The following FDX1 variants were observed in gnomAD, a reference collection of about 807,000 sequenced individuals.
The protein encoded by FDX1 is ferredoxin 1.
In FDX1, 9 loss-of-function variants were observed where a neutral mutation model predicts 14.9. That is an observed-to-expected ratio of 0.60 (90% confidence interval 0.36 to 1.05). The LOEUF is 1.05. FDX1 is among the 50% of genes least tolerant of loss of function. The pLI is 0.01. For synonymous variants in FDX1, 92 were observed against 99.4 expected (o/e 0.93, Z 0.44); for missense variants, 204 against 237.2 (o/e 0.86, Z 0.92).
At chr11:110,440,005 C>T (rs575182605) in intron 2 of FDX1, among the ~76,000 whole-genome samples, 4 of 152,070 alleles carry the variant, frequency 2.6e-5, no homozygotes, top group Middle Eastern at 3.4e-3. Flanking sequence ...CTTTATTTTT[C>T]GGGTCTCTAT....
rs1946318094 is a variant in FDX1, at chr11:110,430,003, C to T, written c.-118C>T. On this transcript the variant is annotated 5_prime_UTR_variant, in exon 1 of 4. Coordinates refer to ENST00000260270, the MANE Select transcript of FDX1 (RefSeq NM_004109.5). ...GGGTCTCTCCGCCACTCCAGCCCCG[C>T]GCCCCTCGCCGCGGCCCTCGGGCGT... 1.5e-6 allele frequency: 1 copy of T among 652,166 alleles called. No homozygotes were observed. The highest frequency in any genetic ancestry group is 4.7e-5 in the Admixed American group (1 of 21,428). The allele number at this position is 652,166 out of a possible 1,614,324, so 40.4% of individuals were successfully genotyped here.
intron 3 of FDX1, among the ~76,000 whole-genome samples, chr11:110,459,233 T>C (rs1245835895): frequency 6.6e-6 from 1 of 152,190 alleles, no homozygotes; most frequent in Non-Finnish European, 1.5e-5. Flanking sequence ...AGGATAATAA[T>C]AGTACCTACC....
At chr11:110,436,832 A>C (rs1946373111) in intron 2 of FDX1, among the ~76,000 whole-genome samples, 3 of 151,988 alleles carry the variant, frequency 2.0e-5, no homozygotes, top group Admixed American at 1.3e-4. Context: ...TATTAAATCT[A>C]CCTCTCTTTG....
At chr11:110,455,435 C>CAT (rs886676075) in intron 2 of FDX1, among the ~76,000 whole-genome samples, 2 of 152,078 alleles carry the variant, frequency 1.3e-5, no homozygotes, top group African/African-American at 4.8e-5. Context: ...GTGTATATTT[C>CAT]ATATAATATT....
intron 2 of FDX1, among the ~76,000 whole-genome samples, chr11:110,451,134 A>G (rs1470781620): frequency 2.0e-5 from 3 of 150,008 alleles, no homozygotes; most frequent in African/African-American, 7.3e-5. Context: ...GAAAAGCCAA[A>G]AAAAAAAAAG....
chr11:110,445,810 A>C (rs1359190579), intron 2 of FDX1, among the ~76,000 whole-genome samples: 1 of 152,210 alleles, frequency 6.6e-6, no homozygotes, highest in Non-Finnish European at 1.5e-5. Context: ...AGATCAAATG[A>C]GTAAATCCAA....
chr11:110,458,917 TG>T (rs1272265683), intron 3 of FDX1, among the ~76,000 whole-genome samples: 2 of 152,234 alleles, frequency 1.3e-5, no homozygotes, highest in Non-Finnish European at 2.9e-5. Flanking sequence ...AATGTTTTAT[TG>T]GTTGTCCTTA....
intron 3 of FDX1, among the ~76,000 whole-genome samples, chr11:110,458,799 G>C (rs1026057571): frequency 1.3e-5 from 2 of 151,968 alleles, no homozygotes; most frequent in African/African-American, 2.4e-5. Flanking sequence ...GTAGAGACGG[G>C]GTTTCACCAT....
intron 2 of FDX1, among the ~76,000 whole-genome samples, chr11:110,440,047 C>A (rs939334320): frequency 6.6e-6 from 1 of 152,118 alleles, no homozygotes; most frequent in East Asian, 1.9e-4. Context: ...TCTAGGTTTT[C>A]TAGGTTGTGT....
At chr11:110,446,134 A>G (rs943946459) in intron 2 of FDX1, among the ~76,000 whole-genome samples, 6 of 152,244 alleles carry the variant, frequency 3.9e-5, no homozygotes, top group Non-Finnish European at 8.8e-5. Context: ...AGTAAGCTAA[A>G]CTAGATTCAC....
chr11:110,430,002 G>A lies in FDX1; in HGVS notation c.-119G>A. 2 of 653,732 alleles carry A rather than the reference G, an allele frequency of 3.1e-6. No individual in the cohort carries two copies. The allele number at this position is 653,732 out of a possible 1,614,324, so 40.5% of individuals were successfully genotyped here. ...AGGGTCTCTCCGCCACTCCAGCCCC[G>A]CGCCCCTCGCCGCGGCCCTCGGGCG... On this transcript the variant is annotated 5_prime_UTR_variant, in exon 1 of 4. Coordinates refer to ENST00000260270, the MANE Select transcript of FDX1 (RefSeq NM_004109.5).
chr11:110,440,416 G>A (rs10891110), intron 2 of FDX1, among the ~76,000 whole-genome samples: 49,115 of 151,922 alleles, frequency 0.32, 8,421 homozygotes, highest in African/African-American at 0.44. Context: ...CTTCATCTTA[G>A]CACTACTTTT....
chr11:110,434,602 G>T (rs1252635969), intron 1 of FDX1, among the ~76,000 whole-genome samples: 1 of 151,908 alleles, frequency 6.6e-6, no homozygotes, highest in Non-Finnish European at 1.5e-5. Context: ...CAAAGTGTTG[G>T]AATTACAGGC....
At position 110,430,244 on chromosome 11, in the gene FDX1, G is replaced by A. The variant is rs930669789; in HGVS notation, c.124G>A (p.Gly42Arg). The change falls in exon 1 of 4, where the codon GGG (glycine) becomes AGG (arginine). Residue 42 changes from glycine to arginine, a missense_variant. Transcript: ENST00000260270. ...ATCCAGCGGCCTGCTGAGGAACCGG[G>A]GGCCGGGCGGGAGCGCGGAGGCGAG... The part of the protein sequence containing the change: ...AGSSGLLRNR[G>R]PGGSAEASRS... The A allele has an allele frequency of 5.0e-6, 6 of 1,206,060 alleles. No individual in the cohort carries two copies. The highest frequency in any genetic ancestry group is 5.1e-6 in the Non-Finnish European group (5 of 971,510). The allele number at this position is 1,206,060 out of a possible 1,614,324, so 74.7% of individuals were successfully genotyped here.
At chr11:110,437,671 G>A (rs1303551203) in intron 2 of FDX1, among the ~76,000 whole-genome samples, 1 of 152,158 alleles carries the variant, frequency 6.6e-6, no homozygotes, top group Non-Finnish European at 1.5e-5. Context: ...TAGATTCAGG[G>A]AGTACATGTG....
At chr11:110,457,702 A>G (rs2134692868) in intron 3 of FDX1, among the ~76,000 whole-genome samples, 1 of 152,166 alleles carries the variant, frequency 6.6e-6, no homozygotes, top group East Asian at 1.9e-4. Context: ...GCTTTGTTTA[A>G]CTCTAGTTTG....
chr11:110,447,184 A>G (rs1946455578), intron 2 of FDX1, among the ~76,000 whole-genome samples: 1 of 148,878 alleles, frequency 6.7e-6, no homozygotes, highest in African/African-American at 2.5e-5. Flanking sequence ...TTGGAAAAAA[A>G]AAAAAAAAAC....
chr11:110,461,557 CA>C (rs57962982), intron 3 of FDX1, among the ~76,000 whole-genome samples: 36 of 136,800 alleles, frequency 2.6e-4, no homozygotes, highest in Non-Finnish European at 3.5e-4. Context: ...AGTAATTCTG[CA>C]AAAAAAAAAG....
chr11:110,451,339 CT>C (rs1946485164), intron 2 of FDX1, among the ~76,000 whole-genome samples: 1 of 152,210 alleles, frequency 6.6e-6, no homozygotes, highest in African/African-American at 2.4e-5. Flanking sequence ...CACCTTCTAA[CT>C]CTTGTAATTG....
Sources: gnomAD v4.1 joint callset for allele counts (sites outside exome capture counted in the v4.1 genomes callset) on GRCh38, gnomAD v4.1.1 for gene constraint, MANE v1.5 for transcripts, NCBI Gene and HGNC (gene_info 2026-07-23, HGNC 2026-07-21) for gene names.